Variants in TP53BP1 observed in about 807,000 individuals in gnomAD.
The protein encoded by TP53BP1 is TP53-binding protein 1.
A neutral mutation model predicts 200.8 loss-of-function variants in TP53BP1; 61 were observed. That is an observed-to-expected ratio of 0.30 (90% CI 0.25 to 0.38). The LOEUF (loss-of-function observed/expected upper bound fraction) is 0.38. Among genes scored for constraint, TP53BP1 ranks in the 10% least tolerant of loss-of-function variants. The probability of loss-of-function intolerance (pLI) is 1.00; values close to 1 mark genes in which losing one functional copy is unlikely to be tolerated. For missense variants in TP53BP1, 2,144 were observed against 2,371.9 expected (o/e 0.90, Z 2.00); for synonymous variants, 822 against 844.3 (o/e 0.97, Z 0.46).
chr15:43,415,876 T>A (rs1382293718), intron 22 of TP53BP1, 67 bp from the exon 23 acceptor site: 13 of 1,337,066 alleles, frequency 9.7e-6, no homozygotes, highest in Non-Finnish European at 1.4e-5. Context: ...TCCAAGAAAC[T>A]GGGCAGACCC....
At position 43,480,877 on chromosome 15, in the gene TP53BP1, A is replaced by G. The variant is rs146058331; in HGVS notation, c.499+18T>C. 630 of 1,613,664 alleles carry G rather than the reference A, an allele frequency of 3.9e-4. 6 individuals are homozygous for G. In the East Asian group the frequency reaches 0.014, roughly 35 times the overall value. ...GAAGTTAGAACAGTCTATTATTCTGAAAAAAGCACAAGGCTACCTTCAGCA... is the reference window on the plus strand; with the variant it reads ...GAAGTTAGAACAGTCTATTATTCTGGAAAAAGCACAAGGCTACCTTCAGCA... On this transcript the variant is annotated intron_variant, in intron 5 of 27. Transcript: ENST00000382044.
chr15:43,475,673 G>A lies in TP53BP1; in HGVS notation c.977C>T (p.Thr326Ile). The stretch of plus-strand genomic sequence containing the variant: ...ACACCCACCTTCCTCCCTTGAAGGA[G>A]TAGAGCAACCATCAGAAGATACTGA... ...NKTVSSDGCS[T>I]PSREEGGCSL... The change falls in exon 9 of 28, where the codon ACT becomes ATT. Residue 326 changes from threonine (T) to isoleucine (I), a missense_variant. Thr to Ile is a moderately conservative substitution (Grantham distance 89, BLOSUM62 -1). Coordinates refer to ENST00000382044, the MANE Select transcript of TP53BP1 (RefSeq NM_001141980.3). 1 of 1,613,946 alleles carries A rather than the reference G, an allele frequency of 6.2e-7. No homozygotes were observed. The highest frequency in any genetic ancestry group is 8.5e-7 in the Non-Finnish European group (1 of 1,180,020).
chr15:43,478,948 C>T (rs1334590578), intron 7 of TP53BP1, among the ~76,000 whole-genome samples: 2 of 152,152 alleles, frequency 1.3e-5, no homozygotes, highest in African/African-American at 4.8e-5. Context: ...GAGTGGCTCA[C>T]GCCTATAATC....
chr15:43,450,828 TCTA>T (rs1424660444), intron 12 of TP53BP1, among the ~76,000 whole-genome samples: 1 of 134,608 alleles, frequency 7.4e-6, no homozygotes, highest in Non-Finnish European at 1.5e-5. Flanking sequence ...ACTCAGAATC[TCTA>T]CTTTGTATTG....
At chr15:43,431,717 T>C (rs2045674438) in intron 17 of TP53BP1, among the ~76,000 whole-genome samples, 1 of 152,214 alleles carries the variant, frequency 6.6e-6, no homozygotes, top group Non-Finnish European at 1.5e-5. Context: ...TCTCTCTCTA[T>C]TCCTGTTACC....
At chr15:43,474,968 T>C (rs2078859319) in intron 9 of TP53BP1, among the ~76,000 whole-genome samples, 1 of 152,160 alleles carries the variant, frequency 6.6e-6, no homozygotes, top group South Asian at 2.1e-4. Context: ...GACATTTCTG[T>C]TGTAAAATAA....
At chr15:43,415,831 AG>A in intron 22 of TP53BP1, 22 bp from the exon 23 acceptor site, 8 of 1,608,222 alleles carry the variant, frequency 5.0e-6, no homozygotes, top group Non-Finnish European at 6.8e-6. Context: ...TAAGCCAAAC[AG>A]GTTGGTCAAA....
At chr15:43,422,267 T>G in intron 18 of TP53BP1, 141 bp from the exon 19 acceptor site, 1 of 1,028,992 alleles carries the variant, frequency 9.7e-7, no homozygotes, top group Admixed American at 2.8e-5. Flanking sequence ...ATAATGGGAA[T>G]GTTCTGTATC....
At chr15:43,446,754 T>C in intron 13 of TP53BP1, 164 bp from the exon 14 acceptor site, 1 of 1,509,024 alleles carries the variant, frequency 6.6e-7, no homozygotes, top group Non-Finnish European at 8.9e-7. Flanking sequence ...AACTACGAAC[T>C]AGTATTGACA....
chr15:43,435,143 G>C (rs1279523951), intron 16 of TP53BP1, among the ~76,000 whole-genome samples: 1 of 151,792 alleles, frequency 6.6e-6, no homozygotes, highest in Non-Finnish European at 1.5e-5. Context: ...TACACCTGTA[G>C]TCCCAGCTAC....
chr15:43,438,246 C>G (rs1197944332), intron 16 of TP53BP1, 78 bp downstream of exon 16: 1 of 1,265,260 alleles, frequency 7.9e-7, no homozygotes. Context: ...AACCACAGCA[C>G]AGTACATATT....
At chr15:43,466,704 T>G (rs1379932846) in intron 11 of TP53BP1, among the ~76,000 whole-genome samples, 1 of 152,036 alleles carries the variant, frequency 6.6e-6, no homozygotes, top group African/African-American at 2.4e-5. Flanking sequence ...AAAAAAATTT[T>G]TAATTAGCCA....
At chr15:43,506,313 A>C (rs1165795023) in intron 1 of TP53BP1, among the ~76,000 whole-genome samples, 10 of 152,170 alleles carry the variant, frequency 6.6e-5, no homozygotes, top group Admixed American at 3.9e-4. Flanking sequence ...TGCCCTTCCC[A>C]CTTTGTTAAG....
intron 11 of TP53BP1, among the ~76,000 whole-genome samples, chr15:43,463,930 C>G (rs569385028): frequency 6.6e-6 from 1 of 152,144 alleles, no homozygotes; most frequent in Non-Finnish European, 1.5e-5. Context: ...ACCCAAAGCC[C>G]GCTTCCATTA....
chr15:43,403,539 T>C lies in TP53BP1; in HGVS notation c.*3844A>G, dbSNP rs1277977780. The C allele has an allele frequency of 3.3e-5, 21 of 628,080 alleles. No individual in the cohort carries two copies. Among genetic ancestry groups the C allele is most frequent in the Non-Finnish European group, 5.4e-5 (19 of 353,966 alleles). 38.9% of individuals were successfully genotyped at this position (628,080 alleles called of 1,614,324 possible). On this transcript the variant is annotated 3_prime_UTR_variant, in exon 28 of 28. Transcript: ENST00000382044. ...TGTGCGTCTGAGGGGCTGGCAGGCCTTGCACGTGGCAGTGTCTATCCTGTC... is the reference window on the plus strand; with the variant it reads ...TGTGCGTCTGAGGGGCTGGCAGGCCCTGCACGTGGCAGTGTCTATCCTGTC...
At chr15:43,415,491 G>A in intron 23 of TP53BP1, 103 bp downstream of exon 23, 1 of 1,256,318 alleles carries the variant, frequency 8.0e-7, no homozygotes, top group South Asian at 1.2e-5. Flanking sequence ...CTTTATAGCA[G>A]GACAGAAGGG....
In TP53BP1 at chr15:43,456,953, T is replaced by C. The variant is rs61756348; in HGVS notation, c.1655A>G (p.Asp552Gly). The change falls in exon 12 of 28, where the codon GAT becomes GGT. Residue 552 changes from aspartate (D) to glycine (G), a missense_variant. Coordinates refer to ENST00000382044, the MANE Select transcript of TP53BP1 (RefSeq NM_001141980.3). ...DEDGENTQIE[D>G]TEPMSPVLNS... ...GAGAACTGGAGACATGGGTTCCGTA[T>C]CCTCAATCTGTGTGTTTTCTCCATC... is the stretch of plus-strand genomic sequence containing the variant. 8 of 1,614,060 alleles carry C rather than the reference T, an allele frequency of 5.0e-6. No individual in the cohort carries two copies. Among genetic ancestry groups the C allele is most frequent in the South Asian group, 3.3e-5 (3 of 91,092 alleles).
intron 4 of TP53BP1, among the ~76,000 whole-genome samples, chr15:43,485,576 CAA>C (rs59927509): frequency 6.7e-5 from 3 of 44,926 alleles, no homozygotes; most frequent in African/African-American, 1.8e-4. Flanking sequence ...GACGCCGTCT[CAA>C]AAAAAAAAAA....
chr15:43,408,507 C>T, intron 26 of TP53BP1: 1 of 263,006 alleles, frequency 3.8e-6, no homozygotes, highest in Non-Finnish European at 7.4e-6. Flanking sequence ...TATTAGGGTC[C>T]CCCTTCTCTT....
Sources: gnomAD v4.1 joint callset for allele counts (sites outside exome capture counted in the v4.1 genomes callset) on GRCh38, gnomAD v4.1.1 for gene constraint, MANE v1.5 for transcripts, NCBI Gene and HGNC (gene_info 2026-07-23, HGNC 2026-07-21) for gene names.